The following TTC29 variants were observed in gnomAD, a reference collection of about 807,000 sequenced individuals.
TTC29 encodes tetratricopeptide repeat domain 29.
A neutral mutation model predicts 58.1 loss-of-function variants in TTC29; 49 were observed. The ratio of observed to expected loss-of-function variants is 0.84; its 90% confidence interval spans 0.67 to 1.07. TTC29 has a LOEUF of 1.07. TTC29 is among the 50% of genes least tolerant of loss of function. TTC29 has a pLI of 0.00. For missense variants in TTC29, 582 were observed against 555.6 expected, an observed-to-expected ratio of 1.05 and a Z score of -0.48; for synonymous variants, 209 against 196.8, an observed-to-expected ratio of 1.06 and a Z score of -0.52.
At chr4:146,894,816 CT>C (rs1732654619) in intron 6 of TTC29, among the ~76,000 whole-genome samples, 1 of 152,102 alleles carries the variant, frequency 6.6e-6, no homozygotes, top group Non-Finnish European at 1.5e-5. Flanking sequence ...GTGCCTACTC[CT>C]TTGATACCTC....
intron 11 of TTC29, among the ~76,000 whole-genome samples, chr4:146,782,937 T>C (rs1031197442): frequency 6.6e-6 from 1 of 151,972 alleles, no homozygotes; most frequent in African/African-American, 2.4e-5. Context: ...ACCCATGTGG[T>C]CCCCTCAAGA....
At chr4:146,788,138 T>G (rs568644917) in intron 11 of TTC29, among the ~76,000 whole-genome samples, 75 of 152,332 alleles carry the variant, frequency 4.9e-4, no homozygotes, top group African/African-American at 1.7e-3. Context: ...TTTCACCACA[T>G]AGCAAGTCAA....
intron 11 of TTC29, among the ~76,000 whole-genome samples, chr4:146,727,488 T>G (rs1166522378): frequency 6.6e-6 from 1 of 152,224 alleles, no homozygotes; most frequent in Non-Finnish European, 1.5e-5. Flanking sequence ...AAAAATCCTC[T>G]GTGCTTTGCC....
intron 10 of TTC29, among the ~76,000 whole-genome samples, chr4:146,805,820 A>G (rs1358386911): frequency 1.3e-5 from 2 of 152,170 alleles, no homozygotes; most frequent in African/African-American, 4.8e-5. Flanking sequence ...CCTTCAGGAT[A>G]CTATATGGGA....
chr4:146,870,355 G>C (rs1195773953), intron 7 of TTC29, among the ~76,000 whole-genome samples: 1 of 151,874 alleles, frequency 6.6e-6, no homozygotes, highest in African/African-American at 2.4e-5. Context: ...ATACAACTAA[G>C]GTGTGCATAG....
At chr4:146,837,484 G>A (rs181828354) in intron 8 of TTC29, among the ~76,000 whole-genome samples, 138 of 152,074 alleles carry the variant, frequency 9.1e-4, no homozygotes, top group African/African-American at 3.2e-3. Flanking sequence ...CACATGTACC[G>A]CTGAACTTAA....
chr4:146,850,480 T>C (rs912810910), intron 8 of TTC29, among the ~76,000 whole-genome samples: 18 of 152,230 alleles, frequency 1.2e-4, no homozygotes, highest in African/African-American at 4.3e-4. Flanking sequence ...ACCTGTCCTA[T>C]TGTGGATTGA....
At chr4:146,791,533 C>G (rs1009329152) in intron 11 of TTC29, among the ~76,000 whole-genome samples, 5 of 152,140 alleles carry the variant, frequency 3.3e-5, no homozygotes, top group African/African-American at 1.2e-4. Flanking sequence ...GTCTCTCCCC[C>G]TCCTTGGGCC....
chr4:146,708,308 TTATATA>T (rs59963230), intron 11 of TTC29, among the ~76,000 whole-genome samples: 822 of 62,072 alleles, frequency 0.013, 7 homozygotes, highest in African/African-American at 0.048. Flanking sequence ...TATGGGAAGT[TTATATA>T]TATATATATA....
chr4:146,871,169 G>A (rs1730903343), intron 7 of TTC29, among the ~76,000 whole-genome samples: 1 of 151,888 alleles, frequency 6.6e-6, no homozygotes, highest in Non-Finnish European at 1.5e-5. Flanking sequence ...GCGATGCAAG[G>A]TTGGTTCAAC....
At chr4:146,714,506 G>T (rs1455153751) in intron 11 of TTC29, among the ~76,000 whole-genome samples, 1 of 150,738 alleles carries the variant, frequency 6.6e-6, no homozygotes, top group Non-Finnish European at 1.5e-5. Context: ...AAATTGGGCA[G>T]AAAATTTTCT....
intron 10 of TTC29, among the ~76,000 whole-genome samples, chr4:146,814,763 G>A (rs374668826): frequency 2.0e-5 from 3 of 149,688 alleles, no homozygotes; most frequent in Non-Finnish European, 3.0e-5. Context: ...GGAGGGGGGC[G>A]ACTTGATGGC....
chr4:146,939,688 A>C, intron 3 of TTC29, 116 bp downstream of exon 3: 2 of 935,222 alleles, frequency 2.1e-6, no homozygotes, highest in South Asian at 3.3e-5. Flanking sequence ...TCTCAATATA[A>C]CAAGGCATTT....
chr4:146,775,773 C>A (rs1748046879), intron 11 of TTC29, among the ~76,000 whole-genome samples: 1 of 152,074 alleles, frequency 6.6e-6, no homozygotes, highest in African/African-American at 2.4e-5. Context: ...GGGTTCTCTG[C>A]ATTTCCTGAA....
At chr4:146,795,075 C>T (rs1048611552) in intron 11 of TTC29, among the ~76,000 whole-genome samples, 22 of 152,028 alleles carry the variant, frequency 1.4e-4, no homozygotes, top group African/African-American at 4.6e-4. Flanking sequence ...TAAAAGAATG[C>T]CTATTTTCTC....
chr4:146,870,044 A>G (rs1730831651), intron 7 of TTC29, among the ~76,000 whole-genome samples: 1 of 152,118 alleles, frequency 6.6e-6, no homozygotes, highest in South Asian at 2.1e-4. Context: ...GTATGCTGAC[A>G]AATGTTCCAG....
chr4:146,782,113 T>TTCTA lies in TTC29; in HGVS notation c.1330+21340_1330+21343dup, dbSNP rs1370097052. On this transcript the variant is annotated intron_variant, in intron 11 of 12. Transcript: ENST00000325106. ...TAGAGGTGCAACAACCTATTACAAA[T>TTCTA]TCTATCTTTATTTTTATTTTGAGAA... Among the ~76,000 whole-genome samples, 5 of 151,872 alleles carry TTCTA rather than the reference T, an allele frequency of 3.3e-5. No individual in the cohort carries two copies. In the South Asian group the frequency reaches 8.3e-4, roughly 25 times the overall value.
intron 11 of TTC29, among the ~76,000 whole-genome samples, chr4:146,756,177 G>A (rs532862807): frequency 1.3e-5 from 2 of 151,800 alleles, no homozygotes; most frequent in African/African-American, 4.8e-5. Context: ...GGGAGGCTGA[G>A]GAGGAAAATG....
chr4:146,737,256 G>A (rs940251324), intron 11 of TTC29, among the ~76,000 whole-genome samples: 17 of 152,060 alleles, frequency 1.1e-4, no homozygotes, highest in African/African-American at 4.1e-4. Context: ...TATGGAGATT[G>A]GGGGATGCAT....
Sources: gnomAD v4.1 joint callset for allele counts (sites outside exome capture counted in the v4.1 genomes callset) on GRCh38, gnomAD v4.1.1 for gene constraint, MANE v1.5 for transcripts, NCBI Gene and HGNC (gene_info 2026-07-23, HGNC 2026-07-21) for gene names.